Variants in LMLN observed in about 807,000 individuals in gnomAD.
LMLN encodes the protein leishmanolysin-like peptidase.
LMLN carries 70 observed loss-of-function variants against 92.3 expected under a neutral mutation model. The ratio of observed to expected loss-of-function variants is 0.76; its 90% CI spans 0.63 to 0.92. The LOEUF (loss-of-function observed/expected upper bound fraction) is 0.92. Ranked by LOEUF, LMLN falls within the 40% of genes least tolerant of loss-of-function variation. The pLI is 0.00. For synonymous variants in LMLN, 308 were observed against 296.2 expected (o/e 1.04, Z -0.41); for missense variants, 691 against 814.6 (o/e 0.85, Z 1.85).
rs1425491944 is a variant in LMLN, at chr3:197,972,802, C to T, written c.220-1575C>T. Among the ~76,000 whole-genome samples, 13 of 151,600 alleles carry T rather than the reference C, an allele frequency of 8.6e-5. No homozygotes were observed. The South Asian group carries it at 1.5e-3, about 17-fold the overall frequency. On this transcript the variant is annotated intron_variant, in intron 1 of 15. Transcript: ENST00000330198. ...ACATTTATTCTTTGCTGGGTTTTATCGCATACATATGTAATTTCGTTGTCA... is the reference window on the plus strand; with the variant it reads ...ACATTTATTCTTTGCTGGGTTTTATTGCATACATATGTAATTTCGTTGTCA...
intron 9 of LMLN, among the ~76,000 whole-genome samples, chr3:197,991,487 G>A (rs1721868199): frequency 6.6e-6 from 1 of 152,132 alleles, no homozygotes; most frequent in African/African-American, 2.4e-5. Flanking sequence ...CCAGCAGGCT[G>A]GAGACTCAGG....
At chr3:198,017,536 T>C (rs1722673647) in intron 11 of LMLN, among the ~76,000 whole-genome samples, 1 of 152,228 alleles carries the variant, frequency 6.6e-6, no homozygotes, top group Admixed American at 6.5e-5. Context: ...GTGTTAATAT[T>C]GGCTCTAGAG....
At chr3:198,011,135 T>A (rs1722425035) in intron 11 of LMLN, among the ~76,000 whole-genome samples, 1 of 152,190 alleles carries the variant, frequency 6.6e-6, no homozygotes, top group Non-Finnish European at 1.5e-5. Context: ...TTTTTTTTAT[T>A]ATTATACTTT....
intron 5 of LMLN, among the ~76,000 whole-genome samples, chr3:197,978,648 G>C (rs1411137801): frequency 6.6e-6 from 1 of 151,942 alleles, no homozygotes; most frequent in Admixed American, 6.6e-5. Context: ...AAAATAATTA[G>C]ATAAATAATA....
At chr3:197,968,455 CAA>C (rs780249964) in intron 1 of LMLN, among the ~76,000 whole-genome samples, 1 of 136,342 alleles carries the variant, frequency 7.3e-6, no homozygotes. Context: ...GACTCTGTCT[CAA>C]AAAAAAAAAG....
chr3:198,014,572 T>C (rs1298711314), intron 11 of LMLN, among the ~76,000 whole-genome samples: 1 of 37,400 alleles, frequency 2.7e-5, no homozygotes, highest in African/African-American at 1.2e-4. Flanking sequence ...AACTTCTCTG[T>C]ATCCTTCAGA....
In LMLN at chr3:197,996,156, T is replaced by C. The variant is rs1406091562; in HGVS notation, c.1048-19T>C. On this transcript the variant is annotated intron_variant, in intron 9 of 15. Transcript: ENST00000330198. ...ACTTTTGTACCATATTTGTTTCTGA[T>C]TTTTTTTCTGGTTCTTAGGAGGAAG... 2 of 1,450,292 alleles carry C rather than the reference T, an allele frequency of 1.4e-6. No individual in the cohort carries two copies. Among genetic ancestry groups the C allele is most frequent in the Non-Finnish European group, 9.3e-7 (1 of 1,070,264 alleles). 89.8% of individuals were successfully genotyped at this position (1,450,292 alleles called of 1,614,324 possible). A position where few individuals can be genotyped will look rare whatever the true frequency, so the allele number is the denominator to read the frequency against.
In LMLN at chr3:197,996,213, G is replaced by C. The variant is rs1336823050; in HGVS notation, c.1086G>C (p.Glu362Asp). The C allele has an allele frequency of 6.2e-7, 1 of 1,605,080 alleles. No individual in the cohort carries two copies. Among genetic ancestry groups the C allele is most frequent in the Non-Finnish European group, 8.5e-7 (1 of 1,176,276 alleles). Residue 362 changes from glutamate to aspartate, a missense_variant, in exon 10 of 16, where the codon GAG (glutamate) becomes GAC (aspartate). Physicochemically the swap from Glu to Asp is conservative, Grantham distance 45 (BLOSUM62 2). Coordinates refer to ENST00000330198, the Ensembl canonical transcript of LMLN. ...AACATTTTGATTGTCCAGTTCTAGA[G>C]GGAATGGAACTTGAAAATCAAGGTG...
intron 11 of LMLN, among the ~76,000 whole-genome samples, chr3:198,005,614 A>C (rs936836984): frequency 6.6e-6 from 1 of 151,550 alleles, no homozygotes; most frequent in Admixed American, 6.6e-5. Context: ...TTTTTCCCTG[A>C]ATTTTTCTTT....
At chr3:198,027,574 A>C (rs1722968600) in intron 14 of LMLN, among the ~76,000 whole-genome samples, 1 of 151,960 alleles carries the variant, frequency 6.6e-6, no homozygotes, top group South Asian at 2.1e-4. Flanking sequence ...GGATTTGCCT[A>C]ATCTAGATAG....
intron 5 of LMLN, 58 bp from the exon 6 acceptor site, chr3:197,980,268 T>C: frequency 7.1e-7 from 1 of 1,415,410 alleles, no homozygotes; most frequent in East Asian, 2.3e-5. Context: ...TAAGATTAAA[T>C]GCCACTACAG....
At chr3:198,028,123 G>A (rs559429891) in intron 14 of LMLN, among the ~76,000 whole-genome samples, 13 of 152,282 alleles carry the variant, frequency 8.5e-5, no homozygotes, top group Admixed American at 7.9e-4. Flanking sequence ...GTACCACAGA[G>A]GCATTTTTGG....
rs1331761537 is a variant in LMLN at position 198,036,819 on chromosome 3, A to G, written c.1867+776A>G. On this transcript the variant is annotated intron_variant, in intron 15 of 15. Coordinates refer to ENST00000330198, the Ensembl canonical transcript of LMLN. Reference sequence around the variant, plus strand: ...AAATGACCTATGAGATTTTTATGGCAGTTTGACATTTCAGATTATGAACAA... The same window carrying G: ...AAATGACCTATGAGATTTTTATGGCGGTTTGACATTTCAGATTATGAACAA... 2.6e-5 allele frequency among the ~76,000 whole-genome samples: 4 copies of G among 152,206 alleles called. 1 individual carries two copies. The highest frequency in any genetic ancestry group is 9.7e-5 in the African/African-American group (4 of 41,438).
rs1398581622 is a variant in LMLN at position 197,997,380 on chromosome 3, C to T, written c.1155+1098C>T. ...AACTCATGGACTCAAGCAATTCACC[C>T]GCCTCAGCCTCCCAAAGTGTGGGGT... On this transcript the variant is annotated intron_variant, in intron 10 of 15. Transcript: ENST00000330198. Among the ~76,000 whole-genome samples, 5 of 152,074 alleles carry T rather than the reference C, an allele frequency of 3.3e-5. No individual in the cohort carries two copies. The South Asian group carries it at 8.3e-4, about 25-fold the overall frequency.
Position 198,021,623 on chromosome 3 carries a change from A to G in LMLN, c.1525+18A>G, listed in dbSNP as rs1020324738. 2 of 1,604,518 alleles carry G rather than the reference A, an allele frequency of 1.2e-6. No homozygotes were observed. Among genetic ancestry groups the G allele is most frequent in the Middle Eastern group, 1.6e-4 (1 of 6,064 alleles). On this transcript the variant is annotated intron_variant, in intron 13 of 15. Coordinates refer to ENST00000330198, the Ensembl canonical transcript of LMLN. ...TCAACCAGGTTAGTCGGCTAGTGAA[A>G]TGAAGTATTATATACATATTAAAAT...
chr3:198,026,312 C>A (rs1722930432), intron 14 of LMLN, among the ~76,000 whole-genome samples: 1 of 150,932 alleles, frequency 6.6e-6, no homozygotes, highest in Non-Finnish European at 1.5e-5. Flanking sequence ...GTAAAATTAA[C>A]TTTTTTTTTC....
intron 11 of LMLN, among the ~76,000 whole-genome samples, chr3:198,017,569 A>G (rs1722674632): frequency 6.6e-6 from 1 of 152,214 alleles, no homozygotes; most frequent in African/African-American, 2.4e-5. Context: ...ATATGGTACC[A>G]TTAGCCACAT....
intron 13 of LMLN, among the ~76,000 whole-genome samples, chr3:198,022,414 C>T (rs757954658): frequency 3.3e-5 from 5 of 152,144 alleles, no homozygotes; most frequent in Non-Finnish European, 5.9e-5. Context: ...GAAGTTTTAA[C>T]CTAGTCTCCA....
exon 6 of LMLN, chr3:197,980,400 T>C: frequency 6.2e-7 from 1 of 1,614,088 alleles, no homozygotes; most frequent in Non-Finnish European, 8.5e-7. Flanking sequence ...GCATCTCAGA[T>C]GCAGACTTTG....
Sources: allele counts gnomAD v4.1 joint callset (sites outside exome capture counted in the v4.1 genomes callset), GRCh38; gene constraint gnomAD v4.1.1; transcripts MANE v1.5; gene names NCBI Gene and HGNC (gene_info 2026-07-23, HGNC 2026-07-21).